The following DNM3 variants were observed in gnomAD, a reference collection of about 807,000 sequenced individuals.
DNM3 encodes dynamin-3.
A neutral mutation model predicts 101.6 loss-of-function variants in DNM3; 47 were observed. The ratio of observed to expected loss-of-function variants is 0.46; its 90% confidence interval spans 0.37 to 0.59. The LOEUF (loss-of-function observed/expected upper bound fraction) is 0.59, where lower values mean the gene tolerates loss of function less well. Among genes scored for constraint, DNM3 ranks in the 20% least tolerant of loss-of-function variants. The pLI, the probability that DNM3 is intolerant of heterozygous loss-of-function variation, is 0.00. For synonymous variants in DNM3, 385 were observed against 387.9 expected (o/e 0.99, Z 0.09); for missense variants, 849 against 1,085.7 (o/e 0.78, Z 3.06).
intron 14 of DNM3, among the ~76,000 whole-genome samples, chr1:172,181,946 G>A (rs1243141304): frequency 6.6e-6 from 1 of 151,950 alleles, no homozygotes; most frequent in African/African-American, 2.4e-5. Flanking sequence ...ATTAGGTGCT[G>A]ATGAATCAAT....
chr1:171,849,390 G>C (rs1231896200), intron 1 of DNM3, among the ~76,000 whole-genome samples: 2 of 152,120 alleles, frequency 1.3e-5, no homozygotes, highest in African/African-American at 4.8e-5. Context: ...GAGTAAGATG[G>C]TATCAAGTGC....
intron 10 of DNM3, among the ~76,000 whole-genome samples, chr1:172,061,318 T>C (rs1572328442): frequency 7.0e-6 from 1 of 143,598 alleles, no homozygotes; most frequent in East Asian, 2.5e-4. Context: ...GAACTGGAGA[T>C]ACCATTTGAC....
chr1:172,172,933 C>T (rs908509705), intron 14 of DNM3, among the ~76,000 whole-genome samples: 1 of 151,818 alleles, frequency 6.6e-6, no homozygotes, highest in Non-Finnish European at 1.5e-5. Flanking sequence ...CCATTGTTGG[C>T]CTTTTAACCT....
At chr1:172,328,487 A>C (rs941492003) in intron 17 of DNM3, among the ~76,000 whole-genome samples, 11 of 152,206 alleles carry the variant, frequency 7.2e-5, no homozygotes, top group Admixed American at 5.9e-4. Context: ...ACATGGATGG[A>C]GCTGGAGGCC....
At chr1:171,998,504 G>T (rs569588010) in intron 4 of DNM3, among the ~76,000 whole-genome samples, 2 of 152,128 alleles carry the variant, frequency 1.3e-5, no homozygotes, top group African/African-American at 4.8e-5. Context: ...TATTCTAGTT[G>T]CTTGTTCATT....
intron 15 of DNM3, among the ~76,000 whole-genome samples, chr1:172,301,859 A>C (rs2064468282): frequency 6.6e-6 from 1 of 152,172 alleles, no homozygotes; most frequent in African/African-American, 2.4e-5. Flanking sequence ...AACCTCAACT[A>C]TCTGAAAAAT....
At position 171,892,161 on chromosome 1, in the gene DNM3, TTGTGTGTG is replaced by T. The variant is rs140183586; in HGVS notation, c.162-29582_162-29575del. On this transcript the variant is annotated intron_variant, in intron 1 of 20. Transcript: ENST00000627582. ...ATGTCCGTTTGACATAGTCTCGTAA[TTGTGTGTG>T]TGTGCGTGTGTGTGTGTCTATGTGT... is the stretch of plus-strand genomic sequence containing the variant. Among the ~76,000 whole-genome samples, 16 of 152,028 alleles carry T rather than the reference TTGTGTGTG, an allele frequency of 1.1e-4. No individual in the cohort carries two copies. In the East Asian group the frequency reaches 2.5e-3, roughly 24 times the overall value.
At chr1:171,907,631 A>G (rs964609982) in intron 1 of DNM3, among the ~76,000 whole-genome samples, 2 of 152,042 alleles carry the variant, frequency 1.3e-5, no homozygotes, top group African/African-American at 4.8e-5. Context: ...TTTCTCTCTG[A>G]CCTAATATCT....
chr1:172,018,973 CTCCCTCCCTCCTTCCT>C (rs2047636165), intron 4 of DNM3, among the ~76,000 whole-genome samples: 2 of 147,372 alleles, frequency 1.4e-5, no homozygotes, highest in African/African-American at 5.0e-5. Context: ...CCTTCCTTCC[CTCCCTCCCTCCTTCCT>C]TCCCTCCCTC....
At chr1:172,042,896 G>A (rs2049493409) in intron 8 of DNM3, among the ~76,000 whole-genome samples, 1 of 152,174 alleles carries the variant, frequency 6.6e-6, no homozygotes, top group Non-Finnish European at 1.5e-5. Flanking sequence ...GATGATTTTA[G>A]AAGAATAGTA....
At chr1:172,015,060 G>A (rs887467433) in intron 4 of DNM3, among the ~76,000 whole-genome samples, 3 of 152,030 alleles carry the variant, frequency 2.0e-5, no homozygotes, top group Non-Finnish European at 4.4e-5. Flanking sequence ...TATTGCCTTT[G>A]TATCTTTGTC....
intron 17 of DNM3, among the ~76,000 whole-genome samples, chr1:172,351,080 T>C (rs902520169): frequency 1.3e-4 from 20 of 152,178 alleles, no homozygotes; most frequent in Non-Finnish European, 5.9e-5. Flanking sequence ...CCTGTGTTGT[T>C]TGTAGTTCTC....
At chr1:171,867,239 T>C (rs2034845580) in intron 1 of DNM3, among the ~76,000 whole-genome samples, 1 of 152,194 alleles carries the variant, frequency 6.6e-6, no homozygotes, top group Non-Finnish European at 1.5e-5. Context: ...ATGTTAGAGG[T>C]GATTGCTTTT....
At chr1:171,963,656 T>C (rs1256457214) in intron 2 of DNM3, among the ~76,000 whole-genome samples, 2 of 152,052 alleles carry the variant, frequency 1.3e-5, no homozygotes, top group African/African-American at 4.8e-5. Context: ...TTCTGGTCAA[T>C]TTCTCTGTGA....
In DNM3 at chr1:171,895,732, G is replaced by A. The variant is rs551039478; in HGVS notation, c.162-26016G>A. ...CTTGCCCATGCCTATGTCCTGAATGGTATTGCCTAGGTTTTCTTCTAGGGT... is the reference window on the plus strand; with the variant it reads ...CTTGCCCATGCCTATGTCCTGAATGATATTGCCTAGGTTTTCTTCTAGGGT... On this transcript the variant is annotated intron_variant, in intron 1 of 20. Coordinates refer to ENST00000627582, the MANE Select transcript of DNM3 (RefSeq NM_015569.5). 2.4e-3 allele frequency among the ~76,000 whole-genome samples: 370 copies of A among 152,138 alleles called. 1 individual carries two copies. Among genetic ancestry groups the A allele is most frequent in the African/African-American group, 8.1e-3 (338 of 41,498 alleles).
intron 15 of DNM3, among the ~76,000 whole-genome samples, chr1:172,291,465 G>A (rs147568817): frequency 2.0e-4 from 30 of 152,326 alleles, no homozygotes; most frequent in African/African-American, 7.0e-4. Context: ...CATTATACAA[G>A]ATAAAGGCAG....
intron 1 of DNM3, among the ~76,000 whole-genome samples, chr1:171,914,462 T>C (rs1219061400): frequency 6.6e-6 from 1 of 152,224 alleles, no homozygotes; most frequent in Non-Finnish European, 1.5e-5. Context: ...TGGCTGAGAT[T>C]TCTCTGTTTT....
intron 14 of DNM3, among the ~76,000 whole-genome samples, chr1:172,246,150 G>A (rs890019040): frequency 6.6e-5 from 10 of 152,090 alleles, no homozygotes; most frequent in African/African-American, 1.9e-4. Context: ...CCCATGATCC[G>A]ATCACTTCTC....
At chr1:171,918,568 G>A (rs1427226704) in intron 1 of DNM3, among the ~76,000 whole-genome samples, 1 of 152,206 alleles carries the variant, frequency 6.6e-6, no homozygotes, top group Non-Finnish European at 1.5e-5. Flanking sequence ...AGAGATGCCT[G>A]TGAAACAGGA....
Sources: allele counts gnomAD v4.1 joint callset (sites outside exome capture counted in the v4.1 genomes callset), GRCh38; gene constraint gnomAD v4.1.1; transcripts MANE v1.5; gene names NCBI Gene and HGNC (gene_info 2026-07-23, HGNC 2026-07-21).